The following ALOX5 variants were observed in gnomAD, a reference collection of about 807,000 sequenced individuals.
The protein encoded by ALOX5 is arachidonate 5-lipoxygenase.
In ALOX5, 64 loss-of-function variants were observed where a neutral mutation model predicts 87.9. The ratio of observed to expected loss-of-function variants is 0.73; its 90% CI spans 0.60 to 0.90. The LOEUF is 0.90. Ranked by LOEUF, ALOX5 falls within the 40% of genes least tolerant of loss-of-function variation. The pLI, the probability that ALOX5 is intolerant of heterozygous loss-of-function variation, is 0.00. For missense variants in ALOX5, 822 were observed against 907.5 expected, an observed-to-expected ratio of 0.91 and a Z score of 1.21; for synonymous variants, 388 against 355.1, an observed-to-expected ratio of 1.09 and a Z score of -1.04.
intron 2 of ALOX5, among the ~76,000 whole-genome samples, chr10:45,387,843 G>A (rs1451085896): frequency 6.6e-5 from 10 of 152,328 alleles, no homozygotes; most frequent in Admixed American, 5.9e-4. Flanking sequence ...GGCCGAATAG[G>A]AACAGCTCCA....
At chr10:45,403,572 TGTGA>T (rs1174709757) in intron 3 of ALOX5, among the ~76,000 whole-genome samples, 2 of 152,338 alleles carry the variant, frequency 1.3e-5, no homozygotes, top group East Asian at 3.9e-4. Context: ...TTTCTGCATG[TGTGA>T]GTGTGTGTGT....
At chr10:45,439,990 T>G (rs1842174831) in intron 7 of ALOX5, among the ~76,000 whole-genome samples, 1 of 151,982 alleles carries the variant, frequency 6.6e-6, no homozygotes, top group South Asian at 2.1e-4. Context: ...CCTGGGGAGC[T>G]CCAGCATTTC....
At chr10:45,431,399 A>T (rs1055152154) in intron 7 of ALOX5, among the ~76,000 whole-genome samples, 1 of 152,060 alleles carries the variant, frequency 6.6e-6, no homozygotes, top group South Asian at 2.1e-4. Flanking sequence ...AGACCTAGAA[A>T]ACACAAGAGA....
At chr10:45,400,472 G>A (rs370463226) in intron 3 of ALOX5, among the ~76,000 whole-genome samples, 2 of 152,058 alleles carry the variant, frequency 1.3e-5, no homozygotes, top group East Asian at 1.9e-4. Context: ...GTTGGTGCAC[G>A]CCTGTAATCC....
In ALOX5 at chr10:45,445,636, G is replaced by A. The variant is rs750790261; in HGVS notation, c.1974G>A (p.Leu658=). Residue 658 remains leucine, a synonymous_variant, in exon 14 of 14, where the codon CTG becomes CTA. Coordinates refer to ENST00000374391, the MANE Select transcript of ALOX5 (RefSeq NM_000698.5). ...VIAERNKKKQ[L]PYYYLSPDRI... is the part of the protein sequence containing the mutation. ...CTGAGCGCAACAAGAAGAAGCAGCT[G>A]CCATATTACTACTTGTCCCCAGACC... 6.2e-7 allele frequency: 1 copy of A among 1,614,004 alleles called. No individual in the cohort carries two copies. Among genetic ancestry groups the A allele is most frequent in the Non-Finnish European group, 8.5e-7 (1 of 1,180,022 alleles).
intron 4 of ALOX5, among the ~76,000 whole-genome samples, chr10:45,415,101 T>C (rs1349131933): frequency 2.6e-5 from 4 of 152,166 alleles, no homozygotes; most frequent in African/African-American, 2.4e-5. Context: ...ACCCAAAGGA[T>C]TATAAATCAT....
intron 3 of ALOX5, among the ~76,000 whole-genome samples, chr10:45,401,707 A>T (rs7099684): frequency 0.83 from 126,178 of 152,186 alleles, 52,553 homozygotes; most frequent in African/African-American, 0.89. Flanking sequence ...TTATAAGCAA[A>T]GTGAAAACCC....
chr10:45,381,634 G>A (rs568481638), intron 1 of ALOX5, among the ~76,000 whole-genome samples: 3 of 152,312 alleles, frequency 2.0e-5, no homozygotes, highest in African/African-American at 7.2e-5. Context: ...ACCCTCACTG[G>A]GCACAGCCTC....
intron 2 of ALOX5, among the ~76,000 whole-genome samples, chr10:45,392,407 C>A (rs1404591517): frequency 3.2e-4 from 49 of 151,496 alleles, no homozygotes; most frequent in Admixed American, 4.6e-4. Flanking sequence ...TATGACCTTA[C>A]CCCCAACCCT....
At chr10:45,377,185 A>G (rs1839647506) in intron 1 of ALOX5, among the ~76,000 whole-genome samples, 1 of 152,344 alleles carries the variant, frequency 6.6e-6, no homozygotes, top group East Asian at 1.9e-4. Flanking sequence ...TAAGTCAGTG[A>G]GTATTCTTAC....
chr10:45,416,961 G>T (rs1473469489), intron 4 of ALOX5, among the ~76,000 whole-genome samples: 2 of 151,806 alleles, frequency 1.3e-5, no homozygotes, highest in African/African-American at 4.8e-5. Flanking sequence ...GATGGATGGA[G>T]GAATTAATGG....
chr10:45,403,066 C>T (rs1435065008), intron 3 of ALOX5, among the ~76,000 whole-genome samples: 1 of 152,148 alleles, frequency 6.6e-6, no homozygotes, highest in African/African-American at 2.4e-5. Flanking sequence ...GTTGGTAAGA[C>T]CTCCGTGGAA....
At chr10:45,440,782 C>A in intron 8 of ALOX5, 149 bp downstream of exon 8, 2 of 868,326 alleles carry the variant, frequency 2.3e-6, no homozygotes, top group Non-Finnish European at 3.5e-6. Flanking sequence ...CAGTAATGCC[C>A]CTAAAGGAAG....
At chr10:45,439,811 A>G (rs548992587) in intron 7 of ALOX5, among the ~76,000 whole-genome samples, 1 of 152,312 alleles carries the variant, frequency 6.6e-6, no homozygotes, top group African/African-American at 2.4e-5. Context: ...GAAAGGGAAG[A>G]CAGGTCCAGC....
intron 4 of ALOX5, among the ~76,000 whole-genome samples, chr10:45,418,192 A>G (rs980952408): frequency 1.3e-5 from 2 of 152,196 alleles, no homozygotes; most frequent in Middle Eastern, 3.4e-3. Flanking sequence ...GTGTCCCTGT[A>G]TTTGAGGAGC....
At chr10:45,374,770 T>TC (rs993917357) in intron 1 of ALOX5, among the ~76,000 whole-genome samples, 4 of 152,160 alleles carry the variant, frequency 2.6e-5, no homozygotes, top group Non-Finnish European at 5.9e-5. Flanking sequence ...GCTCCGAGGC[T>TC]CCGGAGCCCC....
At position 45,445,758 on chromosome 10, in the gene ALOX5, T is replaced by C. The variant is rs547181040; in HGVS notation, c.*71T>C. ...ATGGACTCCAGCCTGCCTGGCAGGC[T>C]GTCTGGCCAGGCCTCTTGGCAGTCA... On this transcript the variant is annotated 3_prime_UTR_variant, in exon 14 of 14. Coordinates refer to ENST00000374391, the MANE Select transcript of ALOX5 (RefSeq NM_000698.5). 7.2e-6 allele frequency: 11 copies of C among 1,533,578 alleles called. 1 individual carries two copies. The South Asian group carries it at 1.3e-4, about 18-fold the overall frequency. 95.0% of individuals were successfully genotyped at this position (1,533,578 alleles called of 1,614,324 possible).
intron 2 of ALOX5, among the ~76,000 whole-genome samples, chr10:45,392,778 C>A (rs1021580745): frequency 1.3e-5 from 2 of 151,810 alleles, no homozygotes; most frequent in Non-Finnish European, 2.9e-5. Context: ...GACATCACCA[C>A]GGATTCCACA....
intron 9 of ALOX5, among the ~76,000 whole-genome samples, chr10:45,441,917 C>G (rs1375106082): frequency 1.3e-5 from 2 of 152,140 alleles, no homozygotes; most frequent in Non-Finnish European, 2.9e-5. Flanking sequence ...TAGCACCCCA[C>G]CTCGTTTTGA....
Sources: gnomAD v4.1 joint callset for allele counts (sites outside exome capture counted in the v4.1 genomes callset) on GRCh38, gnomAD v4.1.1 for gene constraint, MANE v1.5 for transcripts, NCBI Gene and HGNC (gene_info 2026-07-23, HGNC 2026-07-21) for gene names.